Variants in MAST2 observed in about 807,000 individuals in gnomAD.
The protein encoded by MAST2 is microtubule-associated serine/threonine-protein kinase 2.
A neutral mutation model predicts 147.4 loss-of-function variants in MAST2; 70 were observed. The ratio of observed to expected loss-of-function variants is 0.47; its 90% CI spans 0.39 to 0.58. The LOEUF is 0.58. MAST2 is among the 20% of genes least tolerant of loss of function. The pLI is 0.00. For synonymous variants in MAST2, 869 were observed against 896.8 expected, an observed-to-expected ratio of 0.97 and a Z score of 0.55; for missense variants, 2,080 against 2,302.3, an observed-to-expected ratio of 0.90 and a Z score of 1.98.
At chr1:45,990,307 C>G (rs542733516) in intron 5 of MAST2, among the ~76,000 whole-genome samples, 2 of 152,150 alleles carry the variant, frequency 1.3e-5, no homozygotes, top group Non-Finnish European at 2.9e-5. Context: ...TGTTGAGAAT[C>G]TTTTTATATA....
At chr1:45,952,356 G>A (rs374253114) in intron 4 of MAST2, among the ~76,000 whole-genome samples, 1 of 152,152 alleles carries the variant, frequency 6.6e-6, no homozygotes, top group Admixed American at 6.6e-5. Context: ...GAGACAGTAC[G>A]TTGGTGGTTG....
In MAST2 at chr1:45,926,135, G is replaced by T. The variant is rs534811259; in HGVS notation, c.501-33251G>T. 1.2e-4 allele frequency among the ~76,000 whole-genome samples: 19 copies of T among 152,092 alleles called. No individual in the cohort carries two copies. The East Asian group carries it at 3.3e-3, about 26-fold the overall frequency. The stretch of plus-strand genomic sequence containing the variant: ...TCTCCCAGAACTTGTTCTTATCCTG[G>T]CCCTGCTGCATAGTGGTGGTAGGCA... On this transcript the variant is annotated intron_variant, in intron 4 of 28. Transcript: ENST00000361297.
chr1:45,841,765 G>A (rs1488940395), intron 3 of MAST2, among the ~76,000 whole-genome samples: 1 of 152,196 alleles, frequency 6.6e-6, no homozygotes, highest in African/African-American at 2.4e-5. Context: ...AAAGGACTGA[G>A]TGTGTTGCGG....
chr1:45,901,655 T>G (rs1008754495), intron 4 of MAST2, among the ~76,000 whole-genome samples: 2 of 152,226 alleles, frequency 1.3e-5, no homozygotes, highest in African/African-American at 4.8e-5. Flanking sequence ...GTCTGTGATT[T>G]CTTTCATCAG....
intron 10 of MAST2, among the ~76,000 whole-genome samples, chr1:46,018,539 A>T (rs1302058847): frequency 6.6e-6 from 1 of 152,124 alleles, no homozygotes; most frequent in Non-Finnish European, 1.5e-5. Flanking sequence ...AGAACTAGAA[A>T]CCAGAAGCTC....
At chr1:46,004,216 T>C (rs901769250) in intron 7 of MAST2, among the ~76,000 whole-genome samples, 1 of 151,584 alleles carries the variant, frequency 6.6e-6, no homozygotes, top group Non-Finnish European at 1.5e-5. Context: ...TACAAAAAAT[T>C]AGCTGGGCGT....
chr1:45,996,364 G>C (rs559658919), intron 5 of MAST2, among the ~76,000 whole-genome samples: 4 of 151,994 alleles, frequency 2.6e-5, no homozygotes, highest in African/African-American at 9.7e-5. Flanking sequence ...AAAAAGAACA[G>C]AATTTTTTTT....
At chr1:45,919,824 A>G (rs1653164472) in intron 4 of MAST2, among the ~76,000 whole-genome samples, 1 of 151,178 alleles carries the variant, frequency 6.6e-6, no homozygotes, top group Non-Finnish European at 1.5e-5. Flanking sequence ...ACTTACTAAC[A>G]TGTGTGGTCA....
chr1:45,947,138 A>T (rs1570872780), intron 4 of MAST2, among the ~76,000 whole-genome samples: 1 of 152,068 alleles, frequency 6.6e-6, no homozygotes, highest in Admixed American at 6.5e-5. Context: ...TCCTTGTCCA[A>T]ATAAAGGGAT....
At chr1:45,910,339 ATTC>A (rs1651487952) in intron 4 of MAST2, among the ~76,000 whole-genome samples, 1 of 152,130 alleles carries the variant, frequency 6.6e-6, no homozygotes, top group Non-Finnish European at 1.5e-5. Flanking sequence ...GAAGTTTTTT[ATTC>A]TTTTAAAAGT....
At chr1:45,888,141 A>C (rs1408552887) in intron 4 of MAST2, among the ~76,000 whole-genome samples, 11 of 152,210 alleles carry the variant, frequency 7.2e-5, no homozygotes, top group Non-Finnish European at 1.6e-4. Context: ...ATTCACCATA[A>C]TGTGACTGAA....
In MAST2 at chr1:46,002,870, G is replaced by A; in HGVS notation, c.734G>A (p.Ser245Asn). The change falls in exon 7 of 29, where the codon AGC becomes AAC. Residue 245 changes from serine (S) to asparagine (N), a missense_variant. Coordinates refer to ENST00000361297, the MANE Select transcript of MAST2 (RefSeq NM_015112.3). ...TCAGGATATGGAACTAACACTCCTA[G>A]CTCCACTGTCTCAGTAAGTAGCCAA... ...PSSGYGTNTP[S>N]STVSSSCSSQ... is the part of the protein sequence containing the mutation. The A allele has an allele frequency of 6.2e-7, 1 of 1,614,122 alleles. No individual in the cohort carries two copies. Among genetic ancestry groups the A allele is most frequent in the Non-Finnish European group, 8.5e-7 (1 of 1,179,996 alleles).
At chr1:45,982,028 T>C (rs1644429132) in intron 5 of MAST2, among the ~76,000 whole-genome samples, 1 of 152,064 alleles carries the variant, frequency 6.6e-6, no homozygotes, top group Non-Finnish European at 1.5e-5. Context: ...TTTGTATTTT[T>C]AGTAGAGACG....
At position 46,015,088 on chromosome 1, in the gene MAST2, C is replaced by T. The variant is rs576488687; in HGVS notation, c.1188+4149C>T. Among the ~76,000 whole-genome samples, 523 of 151,262 alleles carry T rather than the reference C, an allele frequency of 3.5e-3. 2 individuals carry two copies. Among genetic ancestry groups the T allele is most frequent in the African/African-American group, 0.011 (472 of 41,160 alleles). ...TCCTGAATGACTACTGGGTACATAA[C>T]GAAATGAAGGCAGAAATAAAGATGT... On this transcript the variant is annotated intron_variant, in intron 10 of 28. Transcript: ENST00000361297.
intron 4 of MAST2, among the ~76,000 whole-genome samples, chr1:45,890,683 T>A (rs1418682763): frequency 3.3e-5 from 5 of 152,188 alleles, no homozygotes; most frequent in African/African-American, 1.2e-4. Flanking sequence ...GGAGACACAG[T>A]TTAGTCCATA....
rs1216054140 is a variant in MAST2 at position 46,030,253 on chromosome 1, G to A, written c.2553+15G>A. 4.3e-6 allele frequency: 7 copies of A among 1,610,912 alleles called. No homozygotes were observed. The South Asian group carries it at 6.6e-5, about 15-fold the overall frequency. On this transcript the variant is annotated intron_variant, in intron 21 of 28. Transcript: ENST00000361297. ...GGTTCAACAAGGTGTGACTGAGGAG[G>A]CCCAGAATGGGCAGAACAGGCTGGA...
At position 46,034,526 on chromosome 1, in the gene MAST2, C is replaced by T; in HGVS notation, c.3869-12C>T. On this transcript the variant is annotated splice_polypyrimidine_tract_variant and intron_variant, in intron 28 of 28. Transcript: ENST00000361297. ...TGCTTTTGTCTGTCTGTCTGTCTGT[C>T]TCTGTACAAAGTGGGAGGGAATTCA... 6.2e-7 allele frequency: 1 copy of T among 1,609,186 alleles called. No homozygotes were observed. The highest frequency in any genetic ancestry group is 8.5e-7 in the Non-Finnish European group (1 of 1,177,228).
intron 3 of MAST2, among the ~76,000 whole-genome samples, chr1:45,850,654 T>G (rs1237175822): frequency 1.3e-5 from 2 of 152,134 alleles, no homozygotes; most frequent in African/African-American, 4.8e-5. Context: ...GGGTTCCAGT[T>G]TCATTCTTCT....
At chr1:45,840,843 A>C (rs760979487) in intron 3 of MAST2, among the ~76,000 whole-genome samples, 2 of 152,204 alleles carry the variant, frequency 1.3e-5, no homozygotes, top group Non-Finnish European at 2.9e-5. Flanking sequence ...GCAGCCCATC[A>C]GGCTACTTCT....
Sources: allele counts gnomAD v4.1 joint callset (sites outside exome capture counted in the v4.1 genomes callset), GRCh38; gene constraint gnomAD v4.1.1; transcripts MANE v1.5; gene names NCBI Gene and HGNC (gene_info 2026-07-23, HGNC 2026-07-21).